The following ANK2 variants were observed in gnomAD, a reference collection of about 807,000 sequenced individuals.
The protein encoded by ANK2 is ankyrin 2.
In ANK2, 83 loss-of-function variants were observed where a neutral mutation model predicts 360.5. That is an observed-to-expected ratio of 0.23 (90% CI 0.19 to 0.28). The LOEUF is 0.28. Ranked by LOEUF, ANK2 falls within the 10% of genes least tolerant of loss-of-function variation. The pLI, the probability that ANK2 is intolerant of heterozygous loss-of-function variation, is 1.00. For synonymous variants in ANK2, 1,740 were observed against 1,759.5 expected, an observed-to-expected ratio of 0.99 and a Z score of 0.28; for missense variants, 4,201 against 4,795.7, an observed-to-expected ratio of 0.88 and a Z score of 3.66.
intron 2 of ANK2, among the ~76,000 whole-genome samples, chr4:113,013,561 G>A (rs1337240657): frequency 1.3e-5 from 2 of 152,108 alleles, no homozygotes. Context: ...ATCTCCCAGA[G>A]TTAACTACTT....
At chr4:113,175,720 A>G (rs980714013) in intron 2 of ANK2, among the ~76,000 whole-genome samples, 38 of 152,222 alleles carry the variant, frequency 2.5e-4, no homozygotes, top group Non-Finnish European at 1.6e-4. Context: ...ATGGCTACCA[A>G]TTCCCAGATC....
chr4:113,098,484 A>G (rs2092117370), intron 1 of ANK2, among the ~76,000 whole-genome samples: 1 of 152,038 alleles, frequency 6.6e-6, no homozygotes, highest in Non-Finnish European at 1.5e-5. Context: ...ACCAAAACCT[A>G]TACAAAAAGA....
chr4:113,359,378 T>C, intron 38 of ANK2, 79 bp downstream of exon 38: 2 of 1,567,770 alleles, frequency 1.3e-6, no homozygotes, highest in South Asian at 2.3e-5. Context: ...TTGTTTTATT[T>C]GATGATTTGT....
chr4:112,931,801 TCTAA>T (rs774267291), intron 2 of ANK2, among the ~76,000 whole-genome samples: 21 of 152,334 alleles, frequency 1.4e-4, no homozygotes, highest in South Asian at 1.0e-3. Flanking sequence ...TCCAGATGTC[TCTAA>T]CTATCTTAAT....
intron 1 of ANK2, among the ~76,000 whole-genome samples, chr4:113,138,314 A>T (rs1409794698): frequency 6.6e-6 from 1 of 152,188 alleles, no homozygotes. Flanking sequence ...CTAAATGCAC[A>T]CTCATCATGC....
Position 113,330,371 on chromosome 4 carries a change from T to C in ANK2, c.3026T>C (p.Val1009Ala), listed in dbSNP as rs2153924879. 6.2e-7 allele frequency: 1 copy of C among 1,614,190 alleles called. No homozygotes were observed. Among genetic ancestry groups the C allele is most frequent in the South Asian group, 1.1e-5 (1 of 91,086 alleles). Residue 1009 changes from valine (V) to alanine (A), a missense_variant, in exon 27 of 46, where the codon GTC becomes GCC. By Grantham distance (64) the Val-to-Ala change is moderately conservative. Transcript: ENST00000357077. The stretch of plus-strand genomic sequence containing the variant: ...CCAACGCGAGTCACCTGCCGACTGG[T>C]CAAGCGCCACAGACTGGCAACAATG... ...TAPTRVTCRL[V>A]KRHRLATMPP... is the part of the protein sequence containing the mutation.
Position 113,035,392 on chromosome 4 carries a change from G to A in ANK2, c.21+130878G>A, listed in dbSNP as rs2061372999. ...TCAGTTTGGGATTTCAGGTAGGTAG[G>A]TTTTAGGGAGATGAAAGAAAAGAAA... On this transcript the variant is annotated intron_variant, in intron 2 of 30. Coordinates refer to the ANK2 transcript ENST00000503271. 1.3e-5 allele frequency among the ~76,000 whole-genome samples: 2 copies of A among 151,914 alleles called. 1 individual carries two copies. Among genetic ancestry groups the A allele is most frequent in the South Asian group, 4.1e-4 (2 of 4,820 alleles).
rs575755109 is a variant in ANK2, at chr4:112,944,836, A to G, written c.21+40322A>G. Among the ~76,000 whole-genome samples the G allele has an allele frequency of 3.9e-5, 6 of 152,358 alleles. No homozygotes were observed. In the South Asian group the frequency reaches 6.2e-4, roughly 16 times the overall value. ...ACTGACCTTACCTTTAAGGAAAATT[A>G]TCTAATTCAGGTAGCTCTCCCTCTG... On this transcript the variant is annotated intron_variant, in intron 2 of 30. Transcript: ENST00000503271.
chr4:113,096,935 TTCA>T (rs1367323025), intron 1 of ANK2, among the ~76,000 whole-genome samples: 1 of 151,380 alleles, frequency 6.6e-6, no homozygotes, highest in Non-Finnish European at 1.5e-5. Context: ...TATACTTTGC[TTCA>T]TTGTAAAGTA....
chr4:113,311,026 A>T (rs2079678900), intron 23 of ANK2, among the ~76,000 whole-genome samples: 1 of 152,230 alleles, frequency 6.6e-6, no homozygotes, highest in Admixed American at 6.5e-5. Context: ...AAAGAATTAA[A>T]ATTCAAGTGA....
chr4:112,746,305 C>CATATGT, the ANK2 span, among the ~76,000 whole-genome samples: 65 of 151,934 alleles, frequency 4.3e-4, no homozygotes, highest in African/African-American at 1.5e-3. Flanking sequence ...TTTCTTAGTG[C>CATATGT]TTACATATGA....
At chr4:112,741,280 C>T in the ANK2 span, among the ~76,000 whole-genome samples, 1 of 152,310 alleles carries the variant, frequency 6.6e-6, no homozygotes, top group African/African-American at 2.4e-5. Context: ...TAGGTCAACT[C>T]CCTTTGATTC....
At chr4:112,977,656 T>C (rs1473094977) in intron 2 of ANK2, among the ~76,000 whole-genome samples, 1 of 152,092 alleles carries the variant, frequency 6.6e-6, no homozygotes, top group Non-Finnish European at 1.5e-5. Flanking sequence ...GGTGGTTTGC[T>C]GCACCTATCA....
intron 21 of ANK2, chr4:113,292,873 G>T (rs1587420031): frequency 2.6e-6 from 1 of 377,780 alleles, no homozygotes; most frequent in East Asian, 6.5e-5. Context: ...CTTAAACAAA[G>T]CTCATTGAGT....
chr4:113,062,652 C>T (rs2074030195), intron 1 of ANK2, among the ~76,000 whole-genome samples: 1 of 152,084 alleles, frequency 6.6e-6, no homozygotes, highest in Admixed American at 6.6e-5. Context: ...TATGGTTCCA[C>T]ATGGACCTCC....
intron 1 of ANK2, among the ~76,000 whole-genome samples, chr4:112,845,087 A>G (rs531294371): frequency 1.2e-4 from 19 of 152,336 alleles, no homozygotes; most frequent in African/African-American, 3.4e-4. Flanking sequence ...AGGAGTAGAC[A>G]TTGGTTCATA....
intron 32 of ANK2, 30 bp downstream of exon 32, chr4:113,339,352 TATG>T (rs2093978978): frequency 1.9e-6 from 3 of 1,565,324 alleles, no homozygotes; most frequent in Non-Finnish European, 2.6e-6. Flanking sequence ...AAAAGCCCAC[TATG>T]ATATGTTACC....
intron 2 of ANK2, among the ~76,000 whole-genome samples, chr4:112,977,094 T>C (rs763930161): frequency 6.6e-6 from 1 of 152,258 alleles, no homozygotes; most frequent in Non-Finnish European, 1.5e-5. Flanking sequence ...AAGAATGGTT[T>C]ATACTGGGCC....
the ANK2 span, among the ~76,000 whole-genome samples, chr4:112,754,117 A>AG: frequency 1.7e-4 from 3 of 17,184 alleles, no homozygotes; most frequent in African/African-American, 6.0e-4. Flanking sequence ...AAAAGTATAT[A>AG]TATATATATA....
Sources: allele counts gnomAD v4.1 joint callset (sites outside exome capture counted in the v4.1 genomes callset), GRCh38; gene constraint gnomAD v4.1.1; transcripts MANE v1.5; gene names NCBI Gene and HGNC (gene_info 2026-07-23, HGNC 2026-07-21).